The following SETD3 variants were observed in gnomAD, a reference collection of about 807,000 sequenced individuals.
SETD3 encodes the protein SET domain containing 3, actin N3(tau)-histidine methyltransferase.
Under a neutral mutation model 63.0 loss-of-function variants are expected in SETD3, and 19 were observed. That is an observed-to-expected ratio of 0.30 (90% CI 0.21 to 0.44). The LOEUF (loss-of-function observed/expected upper bound fraction) is 0.44, where lower values mean the gene tolerates loss of function less well. Ranked by LOEUF, SETD3 falls within the 20% of genes least tolerant of loss-of-function variation. The pLI is 1.00. For synonymous variants in SETD3, 286 were observed against 264.1 expected, an observed-to-expected ratio of 1.08 and a Z score of -0.80; for missense variants, 587 against 728.5, an observed-to-expected ratio of 0.81 and a Z score of 2.24.
intron 6 of SETD3, among the ~76,000 whole-genome samples, chr14:99,448,341 C>G (rs1289402601): frequency 2.0e-5 from 3 of 152,196 alleles, no homozygotes; most frequent in East Asian, 1.9e-4. Context: ...GAAGCGTCAT[C>G]TGCAGCTCTC....
chr14:99,459,364 GTAGAAGTATAGC>G (rs1265182695), intron 4 of SETD3, among the ~76,000 whole-genome samples, 179 bp from the exon 5 acceptor site: 17 of 152,180 alleles, frequency 1.1e-4, no homozygotes, highest in African/African-American at 3.9e-4. Flanking sequence ...AGTTAAATGA[GTAGAAGTATAGC>G]TTAAAATCCT....
chr14:99,410,544 T>C (rs1891930248), intron 8 of SETD3, among the ~76,000 whole-genome samples: 5 of 152,222 alleles, frequency 3.3e-5, no homozygotes. Flanking sequence ...AGAAGTATCC[T>C]TGTCATATCA....
intron 6 of SETD3, among the ~76,000 whole-genome samples, chr14:99,415,790 T>C (rs1220358095): frequency 6.6e-6 from 1 of 152,166 alleles, no homozygotes; most frequent in Non-Finnish European, 1.5e-5. Flanking sequence ...CACATGCACT[T>C]AACAGTGACA....
At chr14:99,452,849 G>A (rs995090698) in intron 6 of SETD3, among the ~76,000 whole-genome samples, 1 of 152,244 alleles carries the variant, frequency 6.6e-6, no homozygotes, top group East Asian at 1.9e-4. Flanking sequence ...GCAGATCGCG[G>A]GGGGAGAAAA....
At chr14:99,470,972 C>T (rs1047449362) in intron 1 of SETD3, among the ~76,000 whole-genome samples, 1 of 152,280 alleles carries the variant, frequency 6.6e-6, no homozygotes, top group South Asian at 2.1e-4. Flanking sequence ...TTACTTCAGC[C>T]GAAATGCCCT....
intron 6 of SETD3, among the ~76,000 whole-genome samples, chr14:99,422,566 T>C (rs1892647541): frequency 1.3e-5 from 2 of 152,092 alleles, no homozygotes; most frequent in South Asian, 4.2e-4. Context: ...CTGTAGACTG[T>C]TGGGGTTCTA....
chr14:99,439,990 GCCATGTTGGGGTTTCA>G (rs1408613853), intron 6 of SETD3, among the ~76,000 whole-genome samples: 1 of 151,126 alleles, frequency 6.6e-6, no homozygotes, highest in Non-Finnish European at 1.5e-5. Flanking sequence ...ACAGGGTTTC[GCCATGTTGGGGTTTCA>G]CCATGTTACC....
intron 6 of SETD3, among the ~76,000 whole-genome samples, chr14:99,452,129 C>T (rs566238711): frequency 2.0e-5 from 3 of 152,268 alleles, no homozygotes; most frequent in South Asian, 4.1e-4. Context: ...TTTCCCAAAA[C>T]GGAGTCTTGC....
In SETD3 at chr14:99,437,103, C is replaced by A. The variant is rs540186378; in HGVS notation, c.675+21176G>T. On this transcript the variant is annotated intron_variant, in intron 6 of 12. Transcript: ENST00000331768. ...AACTGAGGTCCTGAAACAGACAGGC[C>A]AGCAAATAGGCCTCAATTTCCTCAC... is the stretch of plus-strand genomic sequence containing the variant. Among the ~76,000 whole-genome samples, 3 of 152,316 alleles carry A rather than the reference C, an allele frequency of 2.0e-5. No homozygotes were observed. In the South Asian group the frequency reaches 6.2e-4, roughly 32 times the overall value.
At chr14:99,462,042 G>A (rs759708603) in intron 3 of SETD3, among the ~76,000 whole-genome samples, 1 of 152,206 alleles carries the variant, frequency 6.6e-6, no homozygotes, top group Non-Finnish European at 1.5e-5. Flanking sequence ...CCTGCAAGGA[G>A]GGAGGGAATG....
chr14:99,426,761 G>A (rs1014440236), intron 6 of SETD3, among the ~76,000 whole-genome samples: 20 of 152,116 alleles, frequency 1.3e-4, no homozygotes, highest in Admixed American at 9.2e-4. Context: ...CCTCTCCCAG[G>A]GGGGAGCATA....
chr14:99,470,317 C>T (rs967513564), intron 1 of SETD3, among the ~76,000 whole-genome samples: 2 of 152,222 alleles, frequency 1.3e-5, no homozygotes, highest in Non-Finnish European at 2.9e-5. Context: ...ATTACAGATG[C>T]TAAAGAGTTG....
chr14:99,412,181 T>G (rs569643290), intron 8 of SETD3: 1 of 152,514 alleles, frequency 6.6e-6, no homozygotes, highest in Non-Finnish European at 1.5e-5. Flanking sequence ...TATCAGGAAA[T>G]CTTTATCAGA....
chr14:99,415,601 G>A (rs1414393605), intron 6 of SETD3, among the ~76,000 whole-genome samples: 4 of 150,960 alleles, frequency 2.6e-5, no homozygotes, highest in Non-Finnish European at 5.9e-5. Context: ...AATCATTTAG[G>A]GAAAAAAAAA....
intron 6 of SETD3, among the ~76,000 whole-genome samples, chr14:99,426,959 C>T (rs1309605020): frequency 6.6e-6 from 1 of 152,142 alleles, no homozygotes; most frequent in Non-Finnish European, 1.5e-5. Flanking sequence ...GCATGCCCCA[C>T]ATGCTGCAAT....
chr14:99,452,375 G>C (rs572237229), intron 6 of SETD3, among the ~76,000 whole-genome samples: 2 of 152,236 alleles, frequency 1.3e-5, no homozygotes, highest in Non-Finnish European at 2.9e-5. Context: ...GGAGTGTTGG[G>C]ATTACAGGCG....
upstream of SETD3, among the ~76,000 whole-genome samples, chr14:99,481,977 C>A (rs996983962): frequency 6.6e-6 from 1 of 152,186 alleles, no homozygotes; most frequent in East Asian, 1.9e-4. Context: ...AAAGGCACTT[C>A]CGGGATTAGA....
chr14:99,448,557 T>C (rs780489669), intron 6 of SETD3, among the ~76,000 whole-genome samples: 22 of 152,136 alleles, frequency 1.4e-4, no homozygotes, highest in Non-Finnish European at 2.9e-5. Context: ...CCCCATAATA[T>C]CTACCCAGTT....
At position 99,415,912 on chromosome 14, in the gene SETD3, G is replaced by A. The variant is rs531657871; in HGVS notation, c.676-1978C>T. Reference sequence around the variant, plus strand: ...CAACTTGGGAGAGTAGATTACAGTCGCAGAGTTCTTGATATTTCCCAGGGC... The same window carrying A: ...CAACTTGGGAGAGTAGATTACAGTCACAGAGTTCTTGATATTTCCCAGGGC... On this transcript the variant is annotated intron_variant, in intron 6 of 12. Transcript: ENST00000331768. Among the ~76,000 whole-genome samples the A allele has an allele frequency of 2.0e-4, 31 of 152,276 alleles. 1 individual carries two copies. The highest frequency in any genetic ancestry group is 9.1e-4 in the Admixed American group (14 of 15,306).
Sources: allele counts gnomAD v4.1 joint callset (sites outside exome capture counted in the v4.1 genomes callset), GRCh38; gene constraint gnomAD v4.1.1; transcripts MANE v1.5; gene names NCBI Gene and HGNC (gene_info 2026-07-23, HGNC 2026-07-21).